MARCHF1: variants seen among roughly 807,000 people sequenced by gnomAD.
MARCHF1 encodes the protein E3 ubiquitin-protein ligase MARCHF1.
Under a neutral mutation model 54.2 loss-of-function variants are expected in MARCHF1, and 40 were observed. That is an observed-to-expected ratio of 0.74 (90% confidence interval 0.57 to 0.96). The LOEUF is 0.96. Ranked by LOEUF, MARCHF1 falls within the 40% of genes least tolerant of loss-of-function variation. The pLI is 0.00. For missense variants in MARCHF1, 586 were observed against 656.5 expected (o/e 0.89, Z 1.17); for synonymous variants, 236 against 236.3 (o/e 1.00, Z 0.01).
chr4:163,590,956 T>C (rs1298225200), intron 7 of MARCHF1, among the ~76,000 whole-genome samples: 1 of 151,822 alleles, frequency 6.6e-6, no homozygotes, highest in East Asian at 1.9e-4. Flanking sequence ...TCTCTGTGTT[T>C]CAAGTTCATC....
intron 4 of MARCHF1, among the ~76,000 whole-genome samples, chr4:163,750,481 A>G (rs977257221): frequency 4.6e-5 from 7 of 151,786 alleles, no homozygotes; most frequent in Non-Finnish European, 8.8e-5. Flanking sequence ...ACTGCACTCC[A>G]GCCTGGGTGA....
intron 1 of MARCHF1, among the ~76,000 whole-genome samples, chr4:164,176,004 A>G (rs1431597534): frequency 6.6e-6 from 1 of 152,222 alleles, no homozygotes; most frequent in Non-Finnish European, 1.5e-5. Context: ...TCAATCATCA[A>G]AAAAGCAACC....
At chr4:163,710,655 T>C (rs1745081585) in intron 4 of MARCHF1, among the ~76,000 whole-genome samples, 1 of 152,086 alleles carries the variant, frequency 6.6e-6, no homozygotes, top group South Asian at 2.1e-4. Flanking sequence ...ACTCTTGTAC[T>C]GAAAATGTTT....
intron 3 of MARCHF1, among the ~76,000 whole-genome samples, chr4:163,972,298 G>A (rs1752561635): frequency 6.6e-6 from 1 of 152,068 alleles, no homozygotes; most frequent in South Asian, 2.1e-4. Context: ...TTATACCTAT[G>A]TAACAAACCT....
chr4:163,751,527 G>T (rs952499635), intron 4 of MARCHF1, among the ~76,000 whole-genome samples: 8 of 151,848 alleles, frequency 5.3e-5, no homozygotes, highest in Non-Finnish European at 1.0e-4. Flanking sequence ...AAAAGATTTA[G>T]AAGGTTTATG....
In MARCHF1 at chr4:164,375,533, ATT is replaced by A. The variant is rs1267038405; in HGVS notation, c.-323+8335_-323+8336del. ...TTAAATGATAACTCCTACAACTTTT[ATT>A]TGATTCAAATGTTCATAACTCTTAA... is the stretch of plus-strand genomic sequence containing the variant. On this transcript the variant is annotated intron_variant, in intron 1 of 9. Coordinates refer to ENST00000514618, the MANE Select transcript of MARCHF1 (RefSeq NM_001394959.1). Among the ~76,000 whole-genome samples the A allele has an allele frequency of 5.9e-5, 9 of 152,166 alleles. No homozygotes were observed. The East Asian group carries it at 1.7e-3, about 29-fold the overall frequency.
chr4:163,733,247 G>A (rs58206819), intron 4 of MARCHF1, among the ~76,000 whole-genome samples: 63 of 17,226 alleles, frequency 3.7e-3, no homozygotes, highest in South Asian at 7.9e-3. Flanking sequence ...ATATACACGT[G>A]TATATATATA....
intron 5 of MARCHF1, among the ~76,000 whole-genome samples, chr4:163,632,230 G>A (rs1742114725): frequency 6.6e-6 from 1 of 152,138 alleles, no homozygotes; most frequent in Non-Finnish European, 1.5e-5. Flanking sequence ...ATGTTGAAAT[G>A]TAGGGGGAGG....
intron 1 of MARCHF1, among the ~76,000 whole-genome samples, chr4:164,321,681 A>C (rs1167747791): frequency 2.0e-5 from 3 of 152,126 alleles, no homozygotes; most frequent in Non-Finnish European, 4.4e-5. Context: ...TGTTAAAGGA[A>C]GAATTTTGAG....
At chr4:163,899,291 G>A (rs1352040343) in intron 3 of MARCHF1, among the ~76,000 whole-genome samples, 1 of 151,960 alleles carries the variant, frequency 6.6e-6, no homozygotes, top group Non-Finnish European at 1.5e-5. Context: ...TCATTAAAAC[G>A]TCTTTTTCCA....
At chr4:163,800,190 G>A (rs970145841) in intron 4 of MARCHF1, among the ~76,000 whole-genome samples, 3 of 151,900 alleles carry the variant, frequency 2.0e-5, no homozygotes, top group African/African-American at 7.2e-5. Flanking sequence ...TATACCTGGG[G>A]AATGGAATTA....
chr4:164,043,708 A>G (rs969979924), intron 2 of MARCHF1, among the ~76,000 whole-genome samples: 1 of 152,166 alleles, frequency 6.6e-6, no homozygotes, highest in Non-Finnish European at 1.5e-5. Context: ...TTTCTACCAC[A>G]TGGTCAGGCT....
At position 163,526,942 on chromosome 4, in the gene MARCHF1, C is replaced by T. The variant is rs866609037; in HGVS notation, c.*1806G>A. 2 of 151,568 alleles carry T rather than the reference C, an allele frequency of 1.3e-5. No homozygotes were observed. Among genetic ancestry groups the T allele is most frequent in the African/African-American group, 4.8e-5 (2 of 41,304 alleles). 9.4% of individuals were successfully genotyped at this position (151,568 alleles called of 1,614,324 possible). ...TACTAATATTTATACCATCTTTCTCCTCATTTAAAGGTTTGTTTTTTTTTT... is the reference window on the plus strand; with the variant it reads ...TACTAATATTTATACCATCTTTCTCTTCATTTAAAGGTTTGTTTTTTTTTT... On this transcript the variant is annotated 3_prime_UTR_variant, in exon 10 of 10. Coordinates refer to ENST00000514618, the MANE Select transcript of MARCHF1 (RefSeq NM_001394959.1).
intron 3 of MARCHF1, among the ~76,000 whole-genome samples, chr4:163,938,254 C>T (rs1343453545): frequency 1.3e-5 from 2 of 152,144 alleles, no homozygotes; most frequent in African/African-American, 4.8e-5. Context: ...GATATTTGTG[C>T]TAATACAAAG....
intron 3 of MARCHF1, among the ~76,000 whole-genome samples, chr4:163,873,647 T>C (rs567987142): frequency 1.7e-4 from 26 of 152,310 alleles, no homozygotes; most frequent in Non-Finnish European, 3.5e-4. Context: ...TGGAGATTAA[T>C]GCCCAGTGTG....
At chr4:164,268,707 A>G (rs1579676248) in intron 1 of MARCHF1, among the ~76,000 whole-genome samples, 1 of 152,224 alleles carries the variant, frequency 6.6e-6, no homozygotes, top group East Asian at 1.9e-4. Context: ...TTTCCTGATC[A>G]AATTCTGACT....
intron 3 of MARCHF1, among the ~76,000 whole-genome samples, chr4:163,970,568 C>G (rs1279429323): frequency 6.6e-6 from 1 of 152,116 alleles, no homozygotes; most frequent in Non-Finnish European, 1.5e-5. Context: ...GAAAGGAAGA[C>G]AAATACAGTG....
chr4:163,786,522 A>T (rs1268652826), intron 4 of MARCHF1, among the ~76,000 whole-genome samples: 1 of 152,050 alleles, frequency 6.6e-6, no homozygotes, highest in Non-Finnish European at 1.5e-5. Context: ...TGGCAGTAAT[A>T]AGACATTATA....
At chr4:163,646,303 G>A (rs1002181609) in intron 5 of MARCHF1, among the ~76,000 whole-genome samples, 3 of 151,730 alleles carry the variant, frequency 2.0e-5, no homozygotes, top group African/African-American at 7.3e-5. Context: ...CTCTCCTTCA[G>A]AAATGAAGGA....
Sources: allele counts gnomAD v4.1 joint callset (sites outside exome capture counted in the v4.1 genomes callset), GRCh38; gene constraint gnomAD v4.1.1; transcripts MANE v1.5; gene names NCBI Gene and HGNC (gene_info 2026-07-23, HGNC 2026-07-21).